The following ST3GAL1 variants were observed in gnomAD, a reference collection of about 807,000 sequenced individuals.
ST3GAL1 encodes the protein ST3 beta-galactoside alpha-2,3-sialyltransferase 1, also known as CMP-N-acetylneuraminate-beta-galactosamide-alpha-2,3-sialyltransferase 1.
ST3GAL1 carries 16 observed loss-of-function variants against 34.1 expected under a neutral mutation model. The observed-to-expected ratio is 0.47, with a 90% CI of 0.32 to 0.71. The LOEUF is 0.71. ST3GAL1 is among the 30% of genes least tolerant of loss of function. The pLI is 0.04. For missense variants in ST3GAL1, 353 were observed against 447.4 expected (o/e 0.79, Z 1.90); for synonymous variants, 191 against 184.7 (o/e 1.03, Z -0.28).
chr8:133,538,008 A>G (rs998293016), intron 2 of ST3GAL1, among the ~76,000 whole-genome samples: 1 of 152,140 alleles, frequency 6.6e-6, no homozygotes, highest in Non-Finnish European at 1.5e-5. Context: ...CATTTTACAC[A>G]TGAGACAATA....
chr8:133,547,061 T>A (rs527734033), intron 1 of ST3GAL1, among the ~76,000 whole-genome samples: 2 of 150,270 alleles, frequency 1.3e-5, no homozygotes, highest in African/African-American at 4.9e-5. Flanking sequence ...AACCCTCAAC[T>A]CTTAACCACT....
intron 2 of ST3GAL1, among the ~76,000 whole-genome samples, chr8:133,533,316 C>T (rs1039682771): frequency 2.0e-5 from 3 of 152,138 alleles, no homozygotes; most frequent in African/African-American, 7.2e-5. Context: ...TATTTTTCCC[C>T]GTGAATTACC....
intron 3 of ST3GAL1, among the ~76,000 whole-genome samples, chr8:133,498,315 G>C (rs1279976290): frequency 1.3e-5 from 2 of 152,254 alleles, no homozygotes; most frequent in Non-Finnish European, 2.9e-5. Flanking sequence ...TCAGCACTCA[G>C]GGAGCAAAGA....
intron 1 of ST3GAL1, among the ~76,000 whole-genome samples, chr8:133,552,890 T>C (rs1818902001): frequency 6.6e-6 from 1 of 152,234 alleles, no homozygotes; most frequent in Non-Finnish European, 1.5e-5. Flanking sequence ...CATGATTTCA[T>C]TCCAGCTTCA....
chr8:133,561,108 CTTT>C (rs765993286), intron 1 of ST3GAL1, among the ~76,000 whole-genome samples: 35 of 106,192 alleles, frequency 3.3e-4, no homozygotes, highest in South Asian at 1.6e-3. Context: ...CCAGAGCCAT[CTTT>C]TTTTTTTTTT....
chr8:133,540,836 GAGAGACATATATAT>G (rs760427810), intron 2 of ST3GAL1, among the ~76,000 whole-genome samples: 2,491 of 48,062 alleles, frequency 0.052, 257 homozygotes, highest in Non-Finnish European at 0.079. Flanking sequence ...CATATATATA[GAGAGACATATATAT>G]AGAGACATAT....
At chr8:133,540,816 T>C (rs1818457416) in intron 2 of ST3GAL1, among the ~76,000 whole-genome samples, 1 of 136,590 alleles carries the variant, frequency 7.3e-6, no homozygotes, top group Non-Finnish European at 1.6e-5. Context: ...GAGAGACATA[T>C]ATATATAGAC....
At chr8:133,535,057 A>C (rs1818269706) in intron 2 of ST3GAL1, among the ~76,000 whole-genome samples, 1 of 152,232 alleles carries the variant, frequency 6.6e-6, no homozygotes, top group Admixed American at 6.5e-5. Flanking sequence ...GAAGCCCTGC[A>C]GCTGAGGATG....
rs544312725 is a variant in ST3GAL1, at chr8:133,539,448, A to G, written c.-429+6326T>C. On this transcript the variant is annotated intron_variant, in intron 2 of 9. Transcript: ENST00000522652. ...CGCTCCAGCCCCTGGGCTGCACCCCACTTATCTAGGGCTTGCATTTTATTT... is the reference window on the plus strand; with the variant it reads ...CGCTCCAGCCCCTGGGCTGCACCCCGCTTATCTAGGGCTTGCATTTTATTT... Among the ~76,000 whole-genome samples the G allele has an allele frequency of 2.6e-5, 4 of 152,162 alleles. No individual in the cohort carries two copies. The East Asian group carries it at 7.7e-4, about 29-fold the overall frequency.
At chr8:133,487,703 T>C (rs1816658179) in intron 3 of ST3GAL1, among the ~76,000 whole-genome samples, 1 of 151,978 alleles carries the variant, frequency 6.6e-6, no homozygotes, top group Non-Finnish European at 1.5e-5. Flanking sequence ...GTGTGGTGGC[T>C]CATGCCTGTA....
At chr8:133,468,126 A>G (rs1428461026) in intron 5 of ST3GAL1, among the ~76,000 whole-genome samples, 1 of 152,108 alleles carries the variant, frequency 6.6e-6, no homozygotes, top group African/African-American at 2.4e-5. Flanking sequence ...ATATACCCCC[A>G]GAAATTGAAA....
rs527609137 is a variant in ST3GAL1, at chr8:133,508,263, G to C, written c.-428-9074C>G. On this transcript the variant is annotated intron_variant, in intron 2 of 9. Coordinates refer to ENST00000522652, the MANE Select transcript of ST3GAL1 (RefSeq NM_173344.3). The surrounding 1 kb of genome is among the most constrained non-coding windows in gnomAD (Gnocchi z 4.1). The stretch of plus-strand genomic sequence containing the variant: ...AACACGTTTCTTATGTGGAATTATC[G>C]GATTCCTGTCTTTCCTTTCTGCTGC... Among the ~76,000 whole-genome samples, 2 of 152,156 alleles carry C rather than the reference G, an allele frequency of 1.3e-5. No homozygotes were observed. Among genetic ancestry groups the C allele is most frequent in the African/African-American group, 4.8e-5 (2 of 41,434 alleles).
intron 2 of ST3GAL1, among the ~76,000 whole-genome samples, chr8:133,501,838 G>C (rs1261962532): frequency 6.6e-6 from 1 of 152,190 alleles, no homozygotes; most frequent in Admixed American, 6.5e-5. Context: ...AGCCACAGAA[G>C]GCCATGGGGA....
chr8:133,486,140 G>C (rs1816584905), intron 3 of ST3GAL1, among the ~76,000 whole-genome samples: 1 of 152,218 alleles, frequency 6.6e-6, no homozygotes, highest in Admixed American at 6.5e-5. Context: ...AAGGCCCTCG[G>C]CCGGTAGGTG....
chr8:133,507,480 A>C (rs1351073079), intron 2 of ST3GAL1, among the ~76,000 whole-genome samples: 1 of 152,100 alleles, frequency 6.6e-6, no homozygotes, highest in Non-Finnish European at 1.5e-5. Flanking sequence ...ATTCCCAGGA[A>C]GGTATTTCAC....
chr8:133,489,851 G>A (rs16904931), intron 3 of ST3GAL1, among the ~76,000 whole-genome samples: 47,845 of 151,990 alleles, frequency 0.31, 7,856 homozygotes, highest in Admixed American at 0.36. Context: ...GTCCTCTCCT[G>A]TTGTTCTCTG....
chr8:133,515,203 G>A (rs968309854), intron 2 of ST3GAL1, among the ~76,000 whole-genome samples: 3 of 152,194 alleles, frequency 2.0e-5, no homozygotes, highest in East Asian at 1.9e-4. Context: ...CCCATGCCAC[G>A]CCAGGCAGCA....
rs71299078 is a variant in ST3GAL1 at position 133,541,120 on chromosome 8, T to TATAG, written c.-429+4653_-429+4654insCTAT. ...ACATATATATATATATATATATATA[T>TATAG]AGAGAGAGAGAGAGAGAGAGAGAGA... On this transcript the variant is annotated intron_variant, in intron 2 of 9. Transcript: ENST00000522652. 7.2e-4 allele frequency among the ~76,000 whole-genome samples: 35 copies of TATAG among 48,634 alleles called. 3 individuals carry two copies. Among genetic ancestry groups the TATAG allele is most frequent in the South Asian group, 1.6e-3 (2 of 1,220 alleles). The allele number at this position is 48,634 out of a possible 152,430, so 31.9% of individuals were successfully genotyped here.
At chr8:133,543,903 G>A (rs927189797) in intron 2 of ST3GAL1, among the ~76,000 whole-genome samples, 19 of 152,112 alleles carry the variant, frequency 1.2e-4, no homozygotes, top group African/African-American at 3.1e-4. Context: ...TCATATCTGC[G>A]TTAAACTCCA....
Sources: allele counts gnomAD v4.1 joint callset (sites outside exome capture counted in the v4.1 genomes callset), GRCh38; gene constraint gnomAD v4.1.1; non-coding constraint Gnocchi (gnomAD v3.1); transcripts MANE v1.5; gene names NCBI Gene and HGNC (gene_info 2026-07-23, HGNC 2026-07-21).